The following PKP2 variants were observed in gnomAD, a reference collection of about 807,000 sequenced individuals.
PKP2 encodes the protein plakophilin-2.
PKP2 carries 73 observed loss-of-function variants against 83.4 expected under a neutral mutation model. The ratio of observed to expected loss-of-function variants is 0.88; its 90% confidence interval spans 0.72 to 1.06. The LOEUF is 1.06. PKP2 is among the 50% of genes least tolerant of loss of function. The pLI is 0.00. For synonymous variants in PKP2, 409 were observed against 430.4 expected (o/e 0.95, Z 0.62); for missense variants, 966 against 1,065.4 (o/e 0.91, Z 1.30).
intron 11 of PKP2, 158 bp from the exon 12 acceptor site, chr12:32,792,889 G>T: frequency 1.4e-6 from 1 of 697,330 alleles, no homozygotes; most frequent in Admixed American, 2.1e-5. Flanking sequence ...TAGGCAGCAA[G>T]CTCTGCAAGG....
intron 9 of PKP2, among the ~76,000 whole-genome samples, chr12:32,816,110 G>A (rs181677519): frequency 1.9e-4 from 29 of 152,198 alleles, no homozygotes; most frequent in Non-Finnish European, 1.6e-4. Flanking sequence ...AGATTCAGAG[G>A]GTGGATGTGC....
chr12:32,812,379 G>GA (rs1160552615), intron 9 of PKP2, among the ~76,000 whole-genome samples: 5 of 152,112 alleles, frequency 3.3e-5, no homozygotes, highest in Admixed American at 6.5e-5. Context: ...ACTGAGCTGA[G>GA]AAAAAATCTT....
chr12:32,873,826 G>A (rs1397576576), intron 3 of PKP2, among the ~76,000 whole-genome samples: 6 of 152,094 alleles, frequency 3.9e-5, no homozygotes, highest in Admixed American at 6.5e-5. Context: ...CACCGCGTCC[G>A]GCCCATTTTC....
intron 4 of PKP2, among the ~76,000 whole-genome samples, chr12:32,855,348 T>C (rs1461214246): frequency 6.6e-6 from 1 of 152,176 alleles, no homozygotes. Context: ...TGGGAATTAC[T>C]GTGTAAGATG....
intron 1 of PKP2, among the ~76,000 whole-genome samples, chr12:32,890,324 T>C (rs1957066905): frequency 6.6e-6 from 1 of 152,066 alleles, no homozygotes; most frequent in African/African-American, 2.4e-5. Flanking sequence ...ACCCCATAAA[T>C]AGCTTACTGA....
intron 6 of PKP2, among the ~76,000 whole-genome samples, chr12:32,832,683 TTGCACTATCTCA>T (rs1369176950): frequency 1.3e-5 from 2 of 152,206 alleles, no homozygotes; most frequent in Non-Finnish European, 2.9e-5. Flanking sequence ...TCCATTTTGT[TTGCACTATCTCA>T]TCTAGCATTA....
intron 4 of PKP2, among the ~76,000 whole-genome samples, chr12:32,855,698 C>T (rs1228033224): frequency 6.8e-6 from 1 of 147,316 alleles, no homozygotes; most frequent in African/African-American, 2.5e-5. Flanking sequence ...ATTGCTTGAA[C>T]CCGGGAGGCA....
At position 32,880,030 on chromosome 12, in the gene PKP2, C is replaced by T. The variant is rs1043510243; in HGVS notation, c.224-998G>A. 2.0e-5 allele frequency among the ~76,000 whole-genome samples: 3 copies of T among 151,382 alleles called. No individual in the cohort carries two copies. The South Asian group carries it at 6.3e-4, about 32-fold the overall frequency. ...GAACTCTGTTCCCAAGGCAGGAATT[C>T]GGAAGCTTCTTGTAATAAGCAGGTG... On this transcript the variant is annotated intron_variant, in intron 1 of 12. Coordinates refer to ENST00000340811, the MANE Select transcript of PKP2 (RefSeq NM_001005242.3).
At chr12:32,858,103 ATATATATATATATT>A (rs1956769159) in intron 4 of PKP2, among the ~76,000 whole-genome samples, 1 of 94,606 alleles carries the variant, frequency 1.1e-5, no homozygotes, top group Non-Finnish European at 2.0e-5. Context: ...ATATATATAT[ATATATATATATATT>A]TATATATATT....
At chr12:32,796,032 A>C in intron 11 of PKP2, 77 bp downstream of exon 11, 2 of 1,134,582 alleles carry the variant, frequency 1.8e-6, no homozygotes, top group Non-Finnish European at 2.7e-6. Flanking sequence ...ATGACCGCAC[A>C]TTCACAACCG....
chr12:32,809,906 G>A (rs1038573194), intron 9 of PKP2, among the ~76,000 whole-genome samples: 1 of 152,172 alleles, frequency 6.6e-6, no homozygotes, highest in Non-Finnish European at 1.5e-5. Flanking sequence ...TGATTGTTTA[G>A]TCAGTCCCAA....
chr12:32,820,656 C>T (rs1956366948), intron 9 of PKP2: 1 of 152,718 alleles, frequency 6.5e-6, no homozygotes, highest in Non-Finnish European at 1.5e-5. Context: ...AGGGAGCACT[C>T]CTTTACCATT....
At chr12:32,875,537 G>A (rs1046026435) in intron 3 of PKP2, among the ~76,000 whole-genome samples, 2 of 152,140 alleles carry the variant, frequency 1.3e-5, no homozygotes, top group African/African-American at 4.8e-5. Context: ...TGTAGGTCAT[G>A]CCTAAAAGCA....
chr12:32,841,510 C>G (rs1467185009), intron 5 of PKP2, among the ~76,000 whole-genome samples: 2 of 152,152 alleles, frequency 1.3e-5, no homozygotes, highest in Admixed American at 6.5e-5. Flanking sequence ...TCCTAAAGGG[C>G]CCTACCACAA....
intron 10 of PKP2, among the ~76,000 whole-genome samples, chr12:32,800,651 G>A (rs901176170): frequency 3.9e-5 from 6 of 152,152 alleles, no homozygotes; most frequent in African/African-American, 1.4e-4. Flanking sequence ...TGTTCTGAGG[G>A]AACGAGTCAA....
chr12:32,871,062 A>G (rs1956892349), intron 3 of PKP2, among the ~76,000 whole-genome samples: 1 of 152,068 alleles, frequency 6.6e-6, no homozygotes, highest in African/African-American at 2.4e-5. Context: ...GTCCAACTCC[A>G]TAACACGGCA....
intron 4 of PKP2, among the ~76,000 whole-genome samples, chr12:32,861,953 A>G (rs1036551509): frequency 6.6e-6 from 1 of 152,222 alleles, no homozygotes; most frequent in African/African-American, 2.4e-5. Flanking sequence ...GCTGGAGTGC[A>G]GTGGTGTGAT....
chr12:32,850,750 G>A lies in PKP2; in HGVS notation c.1378+16C>T. 1 of 1,599,836 alleles carries A rather than the reference G, an allele frequency of 6.3e-7. No homozygotes were observed. The highest frequency in any genetic ancestry group is 1.1e-5 in the South Asian group (1 of 90,720). On this transcript the variant is annotated intron_variant, in intron 5 of 12. Coordinates refer to ENST00000340811, the MANE Select transcript of PKP2 (RefSeq NM_001005242.3). ...GTGCAAATGTGTTAGGTTCTTCAAT[G>A]TTCAGTAAGCACTACCTGTTATTTG...
intron 5 of PKP2, among the ~76,000 whole-genome samples, chr12:32,846,070 G>C (rs763568679): frequency 6.6e-6 from 1 of 152,074 alleles, no homozygotes; most frequent in Admixed American, 6.5e-5. Context: ...AAAATATGCA[G>C]GGATTAATAT....
Sources: gnomAD v4.1 joint callset for allele counts (sites outside exome capture counted in the v4.1 genomes callset) on GRCh38, gnomAD v4.1.1 for gene constraint, MANE v1.5 for transcripts, NCBI Gene and HGNC (gene_info 2026-07-23, HGNC 2026-07-21) for gene names.